Variants in C3orf18 observed in about 807,000 individuals in gnomAD.
C3orf18 encodes the protein chromosome 3 open reading frame 18, also known as uncharacterized protein C3orf18.
Under a neutral mutation model 14.1 loss-of-function variants are expected in C3orf18, and 12 were observed. That is an observed-to-expected ratio of 0.85 (90% CI 0.55 to 1.38). The LOEUF is 1.38. C3orf18 is among the 40% of genes most tolerant of loss of function. The pLI, the probability that C3orf18 is intolerant of heterozygous loss-of-function variation, is 0.00. For missense variants in C3orf18, 196 were observed against 213.9 expected (o/e 0.92, Z 0.52); for synonymous variants, 82 against 87.9 (o/e 0.93, Z 0.38).
At chr3:50,563,734 C>T (rs890887098) in intron 3 of C3orf18, among the ~76,000 whole-genome samples, 6 of 152,206 alleles carry the variant, frequency 3.9e-5, no homozygotes, top group African/African-American at 1.4e-4. Flanking sequence ...TTCTGCCCTC[C>T]GCTGCCTTTG....
chr3:50,570,893 C>A (rs79973208), upstream of C3orf18: 428 of 465,722 alleles, frequency 9.2e-4, 2 homozygotes, highest in African/African-American at 8.1e-3. Context: ...GGGTGTCATA[C>A]AAGGCTCACC....
At chr3:50,564,671 T>C (rs1230300322) in intron 3 of C3orf18, among the ~76,000 whole-genome samples, 4 of 152,154 alleles carry the variant, frequency 2.6e-5, no homozygotes, top group Non-Finnish European at 5.9e-5. Flanking sequence ...CTCTATTGGG[T>C]TCCAAAGGCC....
chr3:50,568,220 G>A (rs1284565662), upstream of C3orf18, among the ~76,000 whole-genome samples: 1 of 152,110 alleles, frequency 6.6e-6, no homozygotes, highest in Admixed American at 6.5e-5. Flanking sequence ...GAGTGGGGTG[G>A]ATTTATTATT....
At position 50,565,469 on chromosome 3, in the gene C3orf18, G is replaced by C; in HGVS notation, c.231C>G (p.Ala77=). 6.2e-7 allele frequency: 1 copy of C among 1,612,786 alleles called. No homozygotes were observed. Among genetic ancestry groups the C allele is most frequent in the Non-Finnish European group, 8.5e-7 (1 of 1,178,974 alleles). ...CCCAGCCTACCCCAGCTCTCACCAA[G>C]GCCACAGCCAGGCCTATCACCGTGA... The part of the protein sequence containing the change: ...GIITVIGLAV[A]LVLYIRKKKR... The change falls in exon 3 of 6, where the codon GCC becomes GCG. Residue 77 remains alanine, a synonymous_variant. Coordinates refer to ENST00000357203, the MANE Select transcript of C3orf18 (RefSeq NM_016210.5). The surrounding 1 kb of genome is among the most constrained non-coding windows in gnomAD (Gnocchi z 4.4).
At chr3:50,563,211 G>C (rs1403542284) in intron 3 of C3orf18, among the ~76,000 whole-genome samples, 2 of 152,032 alleles carry the variant, frequency 1.3e-5, no homozygotes, top group Non-Finnish European at 2.9e-5. Flanking sequence ...CTCCTGTCCA[G>C]GGTTGCATGT....
chr3:50,571,435 A>T, upstream of C3orf18: 1 of 892,536 alleles, frequency 1.1e-6, no homozygotes, highest in East Asian at 2.6e-5. Flanking sequence ...GCTGAGACTG[A>T]TGGGATTTTT....
At position 50,560,997 on chromosome 3, in the gene C3orf18, A is replaced by G; in HGVS notation, c.328T>C (p.Leu110=). ...NFDPTEEQDE[L]EQELLEHGRD... ...CCATGCTCCAGCAGCTCCTGCTCCA[A>G]CTCATCTTGTTCCTCCGTGGGGTCG... Residue 110 remains leucine, a synonymous_variant, in exon 5 of 6, where the codon TTG becomes CTG. Transcript: ENST00000357203. 1.2e-6 allele frequency: 2 copies of G among 1,614,098 alleles called. No individual in the cohort carries two copies. Among genetic ancestry groups the G allele is most frequent in the Non-Finnish European group, 1.7e-6 (2 of 1,179,982 alleles).
chr3:50,574,306 G>A (rs918608816), upstream of C3orf18, among the ~76,000 whole-genome samples: 6 of 152,220 alleles, frequency 3.9e-5, no homozygotes, highest in African/African-American at 1.4e-4. Context: ...GAGGAGAAGA[G>A]AAAGTTTCTG....
rs1275428648 is a variant in C3orf18 at position 50,558,949 on chromosome 3, T to TG, written c.*707dup. 17 of 1,287,096 alleles carry TG rather than the reference T, an allele frequency of 1.3e-5. No individual in the cohort carries two copies. The highest frequency in any genetic ancestry group is 2.1e-4 in the Middle Eastern group (1 of 4,708). The allele number at this position is 1,287,096 out of a possible 1,614,324, so 79.7% of individuals were successfully genotyped here. A position where few individuals can be genotyped will look rare whatever the true frequency, so the allele number is the denominator to read the frequency against. On this transcript the variant is annotated 3_prime_UTR_variant, in exon 6 of 6. Coordinates refer to ENST00000357203, the MANE Select transcript of C3orf18 (RefSeq NM_016210.5). The stretch of plus-strand genomic sequence containing the variant: ...CATGCATGAGGCCTCTCGGCAGGTC[T>TG]GGGGGGGCTGCATCCTTCCACTTCC...
rs754993698 is a variant in C3orf18 at position 50,558,737 on chromosome 3, G to A, written c.*920C>T. On this transcript the variant is annotated 3_prime_UTR_variant, in exon 6 of 6. Coordinates refer to ENST00000357203, the MANE Select transcript of C3orf18 (RefSeq NM_016210.5). ...AAACAATGCAGTGGAGAGAGGAACC[G>A]TGCTGTGCGTGCTTCCCTCTTCCCT... 4.0e-5 allele frequency: 52 copies of A among 1,289,676 alleles called. 1 individual carries two copies. The highest frequency in any genetic ancestry group is 1.1e-4 in the East Asian group (2 of 18,022). The allele number at this position is 1,289,676 out of a possible 1,614,324, so 79.9% of individuals were successfully genotyped here.
At chr3:50,571,590 C>T, upstream of C3orf18, 3 of 948,966 alleles carry the variant, frequency 3.2e-6, no homozygotes, top group East Asian at 2.4e-5. Flanking sequence ...CCCTCTGGGC[C>T]CAGATGATGA....
At chr3:50,572,260 G>C (rs555166925), upstream of C3orf18, 1 of 1,573,300 alleles carries the variant, frequency 6.4e-7, no homozygotes, top group African/African-American at 1.3e-5. Flanking sequence ...GGAGTTCAGG[G>C]CACCAGTCTT....
At chr3:50,560,895 G>A in intron 5 of C3orf18, 22 bp downstream of exon 5, 1 of 1,586,390 alleles carries the variant, frequency 6.3e-7, no homozygotes, top group Non-Finnish European at 8.6e-7. Flanking sequence ...CAGGCGGGGT[G>A]GGGAGCCTGG....
chr3:50,565,903 G>A lies in C3orf18; in HGVS notation c.-162-42C>T. Reference sequence around the variant, plus strand: ...AAGAAACATGAGGCTAAGGACAGGGGCTCAGTAGTGAGATGAAGTCTCTCT... The same window carrying A: ...AAGAAACATGAGGCTAAGGACAGGGACTCAGTAGTGAGATGAAGTCTCTCT... On this transcript the variant is annotated intron_variant, in intron 2 of 5. Coordinates refer to ENST00000357203, the MANE Select transcript of C3orf18 (RefSeq NM_016210.5). This position sits in a 1 kb window ranked among gnomAD's most constrained non-coding sequence, Gnocchi z 4.4. The A allele has an allele frequency of 1.7e-6, 1 of 586,364 alleles. No individual in the cohort carries two copies. Among genetic ancestry groups the A allele is most frequent in the Non-Finnish European group, 3.0e-6 (1 of 328,698 alleles). The allele number at this position is 586,364 out of a possible 1,614,324, so 36.3% of individuals were successfully genotyped here.
chr3:50,562,648 A>G (rs1474715673), intron 3 of C3orf18: 1 of 421,048 alleles, frequency 2.4e-6, no homozygotes, highest in Non-Finnish European at 4.8e-6. Context: ...CGTGTAGAGC[A>G]GTGGCTCTAG....
chr3:50,571,534 C>A, upstream of C3orf18: 1 of 706,434 alleles, frequency 1.4e-6, no homozygotes, highest in Non-Finnish European at 2.5e-6. Context: ...GGGATAGACA[C>A]CTGGAAGCCT....
upstream of C3orf18, chr3:50,572,102 G>C (rs1362747783): frequency 1.2e-6 from 2 of 1,613,586 alleles, no homozygotes; most frequent in African/African-American, 2.7e-5. Flanking sequence ...CCACCCAGCT[G>C]CCCCCTCTGC....
chr3:50,567,020 T>G (rs1231346413), intron 1 of C3orf18, among the ~76,000 whole-genome samples: 1 of 152,174 alleles, frequency 6.6e-6, no homozygotes, highest in Non-Finnish European at 1.5e-5. Flanking sequence ...GTGTGAGATG[T>G]GTAAACACCT....
chr3:50,559,529 A>C lies in C3orf18; in HGVS notation c.*128T>G. 2.1e-6 allele frequency: 3 copies of C among 1,438,178 alleles called. No individual in the cohort carries two copies. The highest frequency in any genetic ancestry group is 1.8e-6 in the Non-Finnish European group (2 of 1,091,856). 89.1% of individuals were successfully genotyped at this position (1,438,178 alleles called of 1,614,324 possible). A position where few individuals can be genotyped will look rare whatever the true frequency, so the allele number is the denominator to read the frequency against. ...CAGGTGGGTCTGGAGAACAGCTAGG[A>C]CCTGGCTCAGCCCTCTTGTGTCTTG... On this transcript the variant is annotated 3_prime_UTR_variant, in exon 6 of 6. Coordinates refer to ENST00000357203, the MANE Select transcript of C3orf18 (RefSeq NM_016210.5).
Sources: gnomAD v4.1 joint callset for allele counts (sites outside exome capture counted in the v4.1 genomes callset) on GRCh38, gnomAD v4.1.1 for gene constraint, Gnocchi (gnomAD v3.1) non-coding constraint, MANE v1.5 for transcripts, NCBI Gene and HGNC (gene_info 2026-07-23, HGNC 2026-07-21) for gene names.